GAB2: variants seen among roughly 807,000 people sequenced by gnomAD.
The protein encoded by GAB2 is GRB2 associated binding protein 2.
In GAB2, 26 loss-of-function variants were observed where a neutral mutation model predicts 65.5. The ratio of observed to expected loss-of-function variants is 0.40; its 90% CI spans 0.29 to 0.55. The LOEUF is 0.55. Among genes scored for constraint, GAB2 ranks in the 20% least tolerant of loss-of-function variants. GAB2 has a pLI of 0.53. For synonymous variants in GAB2, 321 were observed against 329.6 expected (o/e 0.97, Z 0.28); for missense variants, 884 against 875.8 (o/e 1.01, Z -0.12).
chr11:78,319,845 A>G (rs1446468125), intron 1 of GAB2, among the ~76,000 whole-genome samples: 1 of 151,990 alleles, frequency 6.6e-6, no homozygotes, highest in East Asian at 1.9e-4. Flanking sequence ...AGAGCTGAGT[A>G]TCTGGCAGAG....
intron 1 of GAB2, among the ~76,000 whole-genome samples, chr11:78,282,971 G>A (rs968848154): frequency 1.3e-5 from 2 of 152,066 alleles, no homozygotes; most frequent in African/African-American, 4.8e-5. Context: ...CTAATGCTCT[G>A]CCAACTCTAC....
In GAB2 at chr11:78,285,356, G is replaced by A. The variant is rs116518616; in HGVS notation, c.76-4455C>T. ...TTTTGCTTCCAAGTAAGTGGTGTAGGCTGATAAATGGCTGCCTACAAAATA... is the reference window on the plus strand; with the variant it reads ...TTTTGCTTCCAAGTAAGTGGTGTAGACTGATAAATGGCTGCCTACAAAATA... On this transcript the variant is annotated intron_variant, in intron 1 of 9. Transcript: ENST00000361507. 4.6e-3 allele frequency among the ~76,000 whole-genome samples: 694 copies of A among 152,306 alleles called. 4 individuals are homozygous for A. The highest frequency in any genetic ancestry group is 0.016 in the African/African-American group (672 of 41,556).
In GAB2 at chr11:78,288,356, G is replaced by A. The variant is rs190750264; in HGVS notation, c.76-7455C>T. Among the ~76,000 whole-genome samples the A allele has an allele frequency of 6.0e-3, 766 of 128,720 alleles. 7 individuals are homozygous for A. The highest frequency in any genetic ancestry group is 0.022 in the African/African-American group (728 of 33,466). The allele number at this position is 128,720 out of a possible 152,430, so 84.4% of individuals were successfully genotyped here. On this transcript the variant is annotated intron_variant, in intron 1 of 9. Transcript: ENST00000361507. The stretch of plus-strand genomic sequence containing the variant: ...ATGGTGCCACTGCACTCCAGCCTGG[G>A]CAACAGAGTGAGACTCCATCTCAAA...
intron 1 of GAB2, among the ~76,000 whole-genome samples, chr11:78,412,151 C>T (rs1336219041): frequency 6.9e-6 from 1 of 144,640 alleles, no homozygotes; most frequent in Non-Finnish European, 1.5e-5. Context: ...AAAAAAAAAA[C>T]CTATATATAA....
intron 1 of GAB2, among the ~76,000 whole-genome samples, chr11:78,337,753 A>C (rs534638159): frequency 1.3e-5 from 2 of 152,338 alleles, no homozygotes; most frequent in South Asian, 4.1e-4. Context: ...CATTCTGTGT[A>C]GATCCTGTAA....
At position 78,417,670 on chromosome 11, in the gene GAB2, A is replaced by C; in HGVS notation, c.51T>G (p.Pro17=). 1 of 1,388,750 alleles carries C rather than the reference A, an allele frequency of 7.2e-7. No homozygotes were observed. The highest frequency in any genetic ancestry group is 9.5e-7 in the Non-Finnish European group (1 of 1,048,380). The allele number at this position is 1,388,750 out of a possible 1,614,324, so 86.0% of individuals were successfully genotyped here. The change falls in exon 1 of 10, where the codon CCT becomes CCG. Residue 17 remains proline (P), a synonymous_variant. Coordinates refer to ENST00000361507, the MANE Select transcript of GAB2 (RefSeq NM_080491.3). ...VVCTGWLRKS[P]PEKKLRRYAW... ...CATAGCGCCTCAACTTCTTCTCGGG[A>C]GGCGATTTCCTCAGCCAGCCGGTGC...
intron 1 of GAB2, among the ~76,000 whole-genome samples, chr11:78,343,595 C>T (rs1856134582): frequency 6.6e-6 from 1 of 152,122 alleles, no homozygotes; most frequent in Admixed American, 6.5e-5. Context: ...CCCAAAGAAG[C>T]CAGGTTCAGG....
Position 78,220,438 on chromosome 11 carries a change from G to C in GAB2, c.1768C>G (p.Pro590Ala). The C allele has an allele frequency of 6.4e-7, 1 of 1,572,378 alleles. No homozygotes were observed. The change falls in exon 9 of 10, where the codon CCA becomes GCA. Residue 590 changes from proline to alanine, a missense_variant. Transcript: ENST00000361507. Reference protein sequence around the residue: ...SEENYVPMQNPVSASPVPSGT... With the variant: ...SEENYVPMQNAVSASPVPSGT... ...CTGGGAACGGGAGATGCAGACACTG[G>C]GTTTTGCTGTCACGAGGAGGAAAAA...
intron 1 of GAB2, among the ~76,000 whole-genome samples, chr11:78,287,649 AT>A (rs368184721): frequency 0.024 from 3,274 of 136,612 alleles, 84 homozygotes; most frequent in African/African-American, 0.071. Flanking sequence ...TGCTCTTATC[AT>A]TTTTTTTTTT....
At chr11:78,417,070 G>A (rs1379040868) in intron 1 of GAB2, among the ~76,000 whole-genome samples, 3 of 152,174 alleles carry the variant, frequency 2.0e-5, no homozygotes, top group Non-Finnish European at 4.4e-5. Context: ...AAAGAAGGGG[G>A]ACAAACAAAT....
At chr11:78,240,995 A>G (rs1398519137) in intron 3 of GAB2, among the ~76,000 whole-genome samples, 1 of 152,236 alleles carries the variant, frequency 6.6e-6, no homozygotes, top group African/African-American at 2.4e-5. Context: ...CCTAGAACCC[A>G]GCACTGCTGC....
At chr11:78,383,980 C>T (rs539613983) in intron 1 of GAB2, among the ~76,000 whole-genome samples, 1 of 152,164 alleles carries the variant, frequency 6.6e-6, no homozygotes, top group South Asian at 2.1e-4. Context: ...GCTTCACTGC[C>T]CAGAGCAGCA....
At chr11:78,306,404 A>G (rs2134634865) in intron 1 of GAB2, among the ~76,000 whole-genome samples, 1 of 152,026 alleles carries the variant, frequency 6.6e-6, no homozygotes, top group South Asian at 2.1e-4. Flanking sequence ...CTAATTTTTT[A>G]TATTCTTAGT....
intron 9 of GAB2, 71 bp downstream of exon 9, chr11:78,220,248 C>A (rs1214330304): frequency 2.6e-5 from 40 of 1,561,182 alleles, no homozygotes; most frequent in Non-Finnish European, 3.4e-5. Context: ...TTGAAGGCAC[C>A]CTGGCCTCCA....
intron 3 of GAB2, among the ~76,000 whole-genome samples, chr11:78,240,395 G>C (rs1865095934): frequency 6.6e-6 from 1 of 151,306 alleles, no homozygotes; most frequent in Non-Finnish European, 1.5e-5. Context: ...CTGTGTTTCA[G>C]GGAAAAAGAG....
intron 2 of GAB2, among the ~76,000 whole-genome samples, chr11:78,253,707 T>C (rs1411929855): frequency 6.6e-6 from 1 of 152,222 alleles, no homozygotes; most frequent in Non-Finnish European, 1.5e-5. Context: ...CATCACTTTG[T>C]ACATCAGGCT....
intron 1 of GAB2, among the ~76,000 whole-genome samples, chr11:78,324,523 G>A (rs1016995132): frequency 6.6e-6 from 1 of 152,154 alleles, no homozygotes; most frequent in African/African-American, 2.4e-5. Context: ...GAAAAAGAAA[G>A]GTGCTAGAGG....
intron 1 of GAB2, among the ~76,000 whole-genome samples, chr11:78,375,909 A>G (rs1856626089): frequency 6.6e-6 from 1 of 152,184 alleles, no homozygotes; most frequent in South Asian, 2.1e-4. Context: ...TGCTCAGACC[A>G]TCCTACTCCT....
At chr11:78,335,269 G>A (rs757991853) in intron 1 of GAB2, among the ~76,000 whole-genome samples, 12 of 152,096 alleles carry the variant, frequency 7.9e-5, no homozygotes, top group South Asian at 2.1e-4. Flanking sequence ...GTCCATTTTC[G>A]CTTTGGTTGT....
Sources: gnomAD v4.1 joint callset for allele counts (sites outside exome capture counted in the v4.1 genomes callset) on GRCh38, gnomAD v4.1.1 for gene constraint, MANE v1.5 for transcripts, NCBI Gene and HGNC (gene_info 2026-07-23, HGNC 2026-07-21) for gene names.